Variants in ETS1 observed in about 807,000 individuals in gnomAD.
The protein encoded by ETS1 is protein C-ets-1.
ETS1 carries 15 observed loss-of-function variants against 58.6 expected under a neutral mutation model. That is an observed-to-expected ratio of 0.26 (90% CI 0.17 to 0.39). The LOEUF (loss-of-function observed/expected upper bound fraction) is 0.39, where lower values mean the gene tolerates loss of function less well. Ranked by LOEUF, ETS1 falls within the 10% of genes least tolerant of loss-of-function variation. The probability of loss-of-function intolerance (pLI) is 1.00; values close to 1 mark genes in which losing one functional copy is unlikely to be tolerated. For synonymous variants in ETS1, 214 were observed against 218.2 expected (o/e 0.98, Z 0.17); for missense variants, 417 against 610.5 (o/e 0.68, Z 3.34).
chr11:128,473,835 G>C (rs1262852625), intron 8 of ETS1, among the ~76,000 whole-genome samples: 3 of 151,902 alleles, frequency 2.0e-5, no homozygotes, highest in South Asian at 4.2e-4. Flanking sequence ...GCAAAGGCAG[G>C]GTCATCTGGG....
Position 128,484,923 on chromosome 11 carries a change from G to A in ETS1, c.762C>T (p.Leu254=), listed in dbSNP as rs757354118. The change falls in exon 7 of 10, where the codon CTC becomes CTT. Residue 254 remains leucine, a synonymous_variant. Coordinates refer to ENST00000392668, the MANE Select transcript of ETS1 (RefSeq NM_001143820.2). ...KYENDYPSVI[L]RDPLQTDTLQ... is the part of the protein sequence containing the mutation. ...AGGTGTCTGTCTGGAGAGGGTCTCGGAGAATGACCGAGGGGTAGTCATTCT... is the reference window on the plus strand; with the variant it reads ...AGGTGTCTGTCTGGAGAGGGTCTCGAAGAATGACCGAGGGGTAGTCATTCT... The A allele has an allele frequency of 1.2e-6, 2 of 1,614,038 alleles. No homozygotes were observed. The highest frequency in any genetic ancestry group is 3.3e-5 in the Admixed American group (2 of 60,018).
At chr11:128,548,790 C>A (rs1864179188) in intron 3 of ETS1, among the ~76,000 whole-genome samples, 1 of 152,198 alleles carries the variant, frequency 6.6e-6, no homozygotes, top group Non-Finnish European at 1.5e-5. Context: ...GCCCGCGTTG[C>A]TGGCAGCGCC....
intron 1 of ETS1, among the ~76,000 whole-genome samples, chr11:128,585,712 T>C (rs1865019215): frequency 1.3e-5 from 2 of 152,232 alleles, no homozygotes; most frequent in Non-Finnish European, 1.5e-5. Flanking sequence ...TTTACTTCTA[T>C]TCTCTCATAT....
At chr11:128,526,575 C>T (rs566846841) in intron 3 of ETS1, 13 of 237,382 alleles carry the variant, frequency 5.5e-5, no homozygotes, top group African/African-American at 1.4e-4. Context: ...TTTTCCTGAA[C>T]GATCTCCAGC....
At chr11:128,470,291 T>C (rs1345599787) in intron 8 of ETS1, among the ~76,000 whole-genome samples, 4 of 152,192 alleles carry the variant, frequency 2.6e-5, no homozygotes, top group Non-Finnish European at 5.9e-5. Flanking sequence ...AGTGGAGTAC[T>C]GAGTGATGAC....
chr11:128,463,340 C>T lies in ETS1; in HGVS notation c.1242+169G>A, dbSNP rs750051773. ...TAACATAGATCTTTTCTCTATTTTC[C>T]AAATAATGAACCTGGAGCTCAGACA... On this transcript the variant is annotated intron_variant, in intron 9 of 9. Transcript: ENST00000392668. This position sits in a 1 kb window ranked among gnomAD's most constrained non-coding sequence, Gnocchi z 4.1. Among the ~76,000 whole-genome samples the T allele has an allele frequency of 1.3e-4, 20 of 152,158 alleles. No homozygotes were observed. The highest frequency in any genetic ancestry group is 2.9e-4 in the Non-Finnish European group (20 of 68,040).
chr11:128,505,646 C>T (rs1162577003), intron 3 of ETS1, among the ~76,000 whole-genome samples: 1 of 152,196 alleles, frequency 6.6e-6, no homozygotes, highest in Admixed American at 6.5e-5. Flanking sequence ...GGTAAGTCGC[C>T]AGGCAGACCC....
chr11:128,462,193 A>G lies in ETS1; in HGVS notation c.*168T>C, dbSNP rs959142901. ...CCACAAGTCCTGGCTTTCCTTTCCC[A>G]ACTGCGCACAATTGATTACAGCTGC... On this transcript the variant is annotated 3_prime_UTR_variant, in exon 10 of 10. Coordinates refer to ENST00000392668, the MANE Select transcript of ETS1 (RefSeq NM_001143820.2). 5 of 580,790 alleles carry G rather than the reference A, an allele frequency of 8.6e-6. No homozygotes were observed. The African/African-American group carries it at 9.3e-5, about 11-fold the overall frequency. The allele number at this position is 580,790 out of a possible 1,614,324, so 36.0% of individuals were successfully genotyped here.
intron 3 of ETS1, among the ~76,000 whole-genome samples, chr11:128,541,610 T>C (rs553741309): frequency 8.5e-5 from 13 of 152,308 alleles, no homozygotes; most frequent in African/African-American, 2.4e-4. Flanking sequence ...TTTTCTTTTG[T>C]TTTGTTTTAA....
intron 3 of ETS1, among the ~76,000 whole-genome samples, chr11:128,491,775 T>C (rs955874531): frequency 6.6e-6 from 1 of 152,168 alleles, no homozygotes; most frequent in African/African-American, 2.4e-5. Flanking sequence ...TGACTTCAAG[T>C]CAACTTGAAG....
intron 1 of ETS1, among the ~76,000 whole-genome samples, chr11:128,585,687 C>T (rs1355009652): frequency 5.3e-5 from 8 of 152,202 alleles, no homozygotes; most frequent in Non-Finnish European, 1.0e-4. Context: ...TCTGATTTTT[C>T]ATAGCCCTAT....
At chr11:128,507,682 T>A (rs1863279966) in intron 3 of ETS1, among the ~76,000 whole-genome samples, 1 of 152,168 alleles carries the variant, frequency 6.6e-6, no homozygotes, top group Non-Finnish European at 1.5e-5. Context: ...AGGAGGGACA[T>A]CTGTGGCAAA....
intron 1 of ETS1, among the ~76,000 whole-genome samples, chr11:128,573,622 T>C (rs1864683601): frequency 6.6e-6 from 1 of 152,174 alleles, no homozygotes; most frequent in South Asian, 2.1e-4. Flanking sequence ...TGTCACCCAG[T>C]AACCCAAGAA....
At chr11:128,582,172 C>G (rs979719222) in intron 1 of ETS1, among the ~76,000 whole-genome samples, 1 of 152,142 alleles carries the variant, frequency 6.6e-6, no homozygotes, top group African/African-American at 2.4e-5. Context: ...TGAACTGAGT[C>G]CTAAGAGGTT....
chr11:128,528,090 G>T (rs74437690), intron 3 of ETS1, among the ~76,000 whole-genome samples: 1 of 152,194 alleles, frequency 6.6e-6, no homozygotes, highest in Non-Finnish European at 1.5e-5. Context: ...AGTGTAAGTC[G>T]AGGACAGAGA....
In ETS1 at chr11:128,461,019, C is replaced by T. The variant is rs1861892654; in HGVS notation, c.*1342G>A. On this transcript the variant is annotated 3_prime_UTR_variant, in exon 10 of 10. Coordinates refer to ENST00000392668, the MANE Select transcript of ETS1 (RefSeq NM_001143820.2). Reference sequence around the variant, plus strand: ...AGCCAAGTCACATTTTATTGAAATGCTCTCTTAATTTCCATCACTTCTAAA... The same window carrying T: ...AGCCAAGTCACATTTTATTGAAATGTTCTCTTAATTTCCATCACTTCTAAA... 1 of 152,316 alleles carries T rather than the reference C, an allele frequency of 6.6e-6. No homozygotes were observed. Among genetic ancestry groups the T allele is most frequent in the Non-Finnish European group, 1.5e-5 (1 of 68,050 alleles). The allele number at this position is 152,316 out of a possible 1,614,324, so 9.4% of individuals were successfully genotyped here.
chr11:128,583,565 T>A (rs917034603), intron 1 of ETS1, among the ~76,000 whole-genome samples: 1 of 152,250 alleles, frequency 6.6e-6, no homozygotes, highest in Non-Finnish European at 1.5e-5. Context: ...CTCACATGTT[T>A]TGGAAACTTT....
At chr11:128,484,540 G>C (rs1862573246) in intron 7 of ETS1, among the ~76,000 whole-genome samples, 1 of 152,098 alleles carries the variant, frequency 6.6e-6, no homozygotes, top group Non-Finnish European at 1.5e-5. Context: ...AATTCAACTA[G>C]AGTTATTGAG....
chr11:128,571,371 C>T (rs2135578472), intron 2 of ETS1, among the ~76,000 whole-genome samples: 1 of 149,304 alleles, frequency 6.7e-6, no homozygotes, highest in Admixed American at 6.7e-5. Flanking sequence ...GAGCTAAGAT[C>T]GCACCACAGC....
Sources: gnomAD v4.1 joint callset for allele counts (sites outside exome capture counted in the v4.1 genomes callset) on GRCh38, gnomAD v4.1.1 for gene constraint, Gnocchi (gnomAD v3.1) non-coding constraint, MANE v1.5 for transcripts, NCBI Gene and HGNC (gene_info 2026-07-23, HGNC 2026-07-21) for gene names.